Variants in B3GALT1 observed in about 807,000 individuals in gnomAD.
B3GALT1 encodes beta-1,3-galactosyltransferase 1.
B3GALT1 carries 10 observed loss-of-function variants against 23.2 expected under a neutral mutation model. The ratio of observed to expected loss-of-function variants is 0.43; its 90% CI spans 0.27 to 0.73. The LOEUF (loss-of-function observed/expected upper bound fraction) is 0.73. Ranked by LOEUF, B3GALT1 falls within the 30% of genes least tolerant of loss-of-function variation. B3GALT1 has a pLI of 0.21. For missense variants in B3GALT1, 299 were observed against 405.4 expected (o/e 0.74, Z 2.25); for synonymous variants, 156 against 141.5 (o/e 1.10, Z -0.73).
chr2:167,783,214 A>ATT (rs1428653367), intron 3 of B3GALT1, among the ~76,000 whole-genome samples: 1 of 152,200 alleles, frequency 6.6e-6, no homozygotes, highest in Admixed American at 6.5e-5. Context: ...AAAAAAAGTA[A>ATT]TGCCTCTTTC....
intron 1 of B3GALT1, among the ~76,000 whole-genome samples, chr2:167,460,081 T>C (rs1699233902): frequency 6.6e-6 from 1 of 152,218 alleles, no homozygotes; most frequent in Non-Finnish European, 1.5e-5. Context: ...AAATGATTCT[T>C]GGTGTGAATC....
intron 1 of B3GALT1, among the ~76,000 whole-genome samples, chr2:167,323,118 A>G (rs58989564): frequency 0.015 from 2,247 of 151,958 alleles, 56 homozygotes; most frequent in East Asian, 0.082. Context: ...ATTCGTTGCT[A>G]CATAGACAAA....
chr2:167,315,969 A>G (rs192478211), intron 1 of B3GALT1, among the ~76,000 whole-genome samples: 42 of 152,302 alleles, frequency 2.8e-4, no homozygotes, highest in Admixed American at 7.2e-4. Flanking sequence ...TTACATATTT[A>G]CATAATTTTT....
chr2:167,442,392 C>A (rs1280725090), intron 1 of B3GALT1, among the ~76,000 whole-genome samples: 4 of 152,096 alleles, frequency 2.6e-5, no homozygotes, highest in African/African-American at 9.7e-5. Context: ...GGGTATATAG[C>A]CAGTAATGGG....
In B3GALT1 at chr2:167,656,902, C is replaced by T. The variant is rs185101452; in HGVS notation, c.-352+9936C>T. 2.7e-3 allele frequency among the ~76,000 whole-genome samples: 403 copies of T among 151,874 alleles called. 1 individual carries two copies. The highest frequency in any genetic ancestry group is 3.6e-3 in the Non-Finnish European group (243 of 67,930). On this transcript the variant is annotated intron_variant, in intron 3 of 4. Coordinates refer to ENST00000392690, the MANE Select transcript of B3GALT1 (RefSeq NM_020981.4). ...AGAAATAATGGTATTCAACAAATAC[C>T]GAGAACCTATATTTGTTATGCACAG...
At chr2:167,468,560 T>C (rs936981061) in intron 1 of B3GALT1, among the ~76,000 whole-genome samples, 2 of 152,222 alleles carry the variant, frequency 1.3e-5, no homozygotes, top group African/African-American at 2.4e-5. Flanking sequence ...ACAAAGTGTG[T>C]CTGACATCAT....
At chr2:167,321,681 T>A (rs1350171550) in intron 1 of B3GALT1, among the ~76,000 whole-genome samples, 3 of 152,014 alleles carry the variant, frequency 2.0e-5, no homozygotes, top group Non-Finnish European at 4.4e-5. Flanking sequence ...GAATCTTACC[T>A]CCTTCTCTAT....
rs1198029788 is a variant in B3GALT1, at chr2:167,778,848, A to C, written c.-351-39824A>C. Among the ~76,000 whole-genome samples, 3 of 152,146 alleles carry C rather than the reference A, an allele frequency of 2.0e-5. No homozygotes were observed. In the East Asian group the frequency reaches 5.8e-4, roughly 29 times the overall value. The stretch of plus-strand genomic sequence containing the variant: ...CAACCCATTTTCTCTAACTCATCCC[A>C]TTCTGCTGGACTGAGGGGAGGGGAC... On this transcript the variant is annotated intron_variant, in intron 3 of 4. Coordinates refer to ENST00000392690, the MANE Select transcript of B3GALT1 (RefSeq NM_020981.4).
intron 3 of B3GALT1, among the ~76,000 whole-genome samples, chr2:167,752,510 C>G (rs1325845333): frequency 6.7e-6 from 1 of 149,662 alleles, no homozygotes; most frequent in Admixed American, 6.6e-5. Flanking sequence ...AAGAGGTACT[C>G]TATTTGTTTT....
At chr2:167,486,446 G>C (rs558762052) in intron 1 of B3GALT1, among the ~76,000 whole-genome samples, 1 of 151,848 alleles carries the variant, frequency 6.6e-6, no homozygotes, top group African/African-American at 2.4e-5. Context: ...TATTTAGGCC[G>C]GGCACAGTGG....
At chr2:167,531,903 A>G (rs528217925) in intron 2 of B3GALT1, among the ~76,000 whole-genome samples, 1 of 152,172 alleles carries the variant, frequency 6.6e-6, no homozygotes, top group Non-Finnish European at 1.5e-5. Context: ...TCTGCACAAA[A>G]CATTTAAATT....
At chr2:167,723,197 A>G (rs13389262) in intron 3 of B3GALT1, among the ~76,000 whole-genome samples, 32,171 of 152,138 alleles carry the variant, frequency 0.21, 3,888 homozygotes, top group East Asian at 0.41. Context: ...AGCAGGTGAC[A>G]TGTTTAAACT....
chr2:167,869,075 A>G lies in B3GALT1; in HGVS notation c.36A>G (p.Thr12=), dbSNP rs757280673. The change falls in exon 5 of 5, where the codon ACA becomes ACG. Residue 12 remains threonine (T), a synonymous_variant. Transcript: ENST00000392690. This position sits in a 1 kb window ranked among gnomAD's most constrained non-coding sequence, Gnocchi z 6.4. ...ASKVSCLYVL[T]VVCWASALWY... ...AGGTCTCCTGTTTGTATGTTTTGAC[A>G]GTTGTGTGCTGGGCCAGCGCTCTCT... 5.0e-6 allele frequency: 8 copies of G among 1,612,416 alleles called. No individual in the cohort carries two copies. Among genetic ancestry groups the G allele is most frequent in the Non-Finnish European group, 5.9e-6 (7 of 1,179,236 alleles).
At chr2:167,654,366 C>G (rs1366332310) in intron 3 of B3GALT1, among the ~76,000 whole-genome samples, 1 of 152,182 alleles carries the variant, frequency 6.6e-6, no homozygotes, top group Non-Finnish European at 1.5e-5. Flanking sequence ...CCTGTGAAAT[C>G]TCTTCCAGGC....
At chr2:167,384,235 G>T (rs1322103123) in intron 1 of B3GALT1, among the ~76,000 whole-genome samples, 1 of 152,130 alleles carries the variant, frequency 6.6e-6, no homozygotes, top group Non-Finnish European at 1.5e-5. Context: ...TGGTAAAATG[G>T]TGCTGTCTAA....
At chr2:167,655,269 A>T (rs927145129) in intron 3 of B3GALT1, among the ~76,000 whole-genome samples, 4 of 152,152 alleles carry the variant, frequency 2.6e-5, no homozygotes, top group Non-Finnish European at 5.9e-5. Context: ...ATAACATACA[A>T]CTCTAGGGCT....
At chr2:167,536,022 C>G (rs1683413298) in intron 2 of B3GALT1, among the ~76,000 whole-genome samples, 1 of 152,124 alleles carries the variant, frequency 6.6e-6, no homozygotes, top group Admixed American at 6.5e-5. Flanking sequence ...CTCCCAGGTT[C>G]AAGCAATTCT....
chr2:167,580,086 A>G (rs1387632230), intron 2 of B3GALT1, among the ~76,000 whole-genome samples: 1 of 152,146 alleles, frequency 6.6e-6, no homozygotes, highest in Non-Finnish European at 1.5e-5. Context: ...ATGATATTTC[A>G]GTGTTCTCAG....
At chr2:167,839,878 A>G (rs1689595255) in intron 4 of B3GALT1, among the ~76,000 whole-genome samples, 1 of 152,214 alleles carries the variant, frequency 6.6e-6, no homozygotes, top group Non-Finnish European at 1.5e-5. Context: ...AACGCCGCAT[A>G]TCTGCAACTA....
Sources: allele counts gnomAD v4.1 joint callset (sites outside exome capture counted in the v4.1 genomes callset), GRCh38; gene constraint gnomAD v4.1.1; non-coding constraint Gnocchi (gnomAD v3.1); transcripts MANE v1.5; gene names NCBI Gene and HGNC (gene_info 2026-07-23, HGNC 2026-07-21).